Variants in OPA1 observed in about 807,000 individuals in gnomAD.
OPA1 encodes OPA1 mitochondrial dynamin like GTPase.
Under a neutral mutation model 152.9 loss-of-function variants are expected in OPA1, and 59 were observed. The ratio of observed to expected loss-of-function variants is 0.39; its 90% CI spans 0.31 to 0.48. The LOEUF (loss-of-function observed/expected upper bound fraction) is 0.48, where lower values mean the gene tolerates loss of function less well. OPA1 is among the 20% of genes least tolerant of loss of function. OPA1 has a pLI of 0.96. For missense variants in OPA1, 1,008 were observed against 1,216.8 expected (o/e 0.83, Z 2.55); for synonymous variants, 400 against 389.9 (o/e 1.03, Z -0.31).
chr3:193,668,704 G>A (rs935305199), intron 29 of OPA1: 2 of 1,362,100 alleles, frequency 1.5e-6, no homozygotes, highest in South Asian at 2.9e-5. Context: ...CCCAGGTCAG[G>A]CATTAACACC....
intron 7 of OPA1, among the ~76,000 whole-genome samples, chr3:193,628,130 A>G (rs935103686): frequency 1.3e-5 from 2 of 152,132 alleles, no homozygotes; most frequent in Admixed American, 1.3e-4. Flanking sequence ...TGAGATTTTT[A>G]TCATTCCAGG....
At chr3:193,593,491 TGCAGGTGACTCTCAG>T in intron 1 of OPA1, 82 bp downstream of exon 1, 1 of 1,345,546 alleles carries the variant, frequency 7.4e-7, no homozygotes, top group Non-Finnish European at 9.9e-7. Context: ...TCCAAAAATG[TGCAGGTGACTCTCAG>T]GCCAGGCCGA....
chr3:193,666,313 G>A lies in OPA1; in HGVS notation c.2796G>A (p.Val932=), dbSNP rs1716528937. The A allele has an allele frequency of 6.2e-7, 1 of 1,613,788 alleles. No homozygotes were observed. The highest frequency in any genetic ancestry group is 1.7e-5 in the Admixed American group (1 of 60,002). Residue 932 remains valine (V), a synonymous_variant, in exon 28 of 31, where the codon GTG becomes GTA. Coordinates refer to ENST00000361510, the MANE Select transcript of OPA1 (RefSeq NM_130837.3). Reference sequence around the variant, plus strand: ...TATTTCAGTTGGAATGCAATGATGTGGTCTTGTTTTGGCGTATACAGCGCA... The same window carrying A: ...TATTTCAGTTGGAATGCAATGATGTAGTCTTGTTTTGGCGTATACAGCGCA... The part of the protein sequence containing the change: ...FVDSELECND[V]VLFWRIQRML...
intron 1 of OPA1, among the ~76,000 whole-genome samples, chr3:193,596,069 T>G (rs1725435301): frequency 6.6e-6 from 1 of 152,114 alleles, no homozygotes; most frequent in African/African-American, 2.4e-5. Context: ...TTCAGTACTT[T>G]CTTCCTGAAT....
At chr3:193,691,976 A>G (rs1426343864) in intron 29 of OPA1, 87 bp from the exon 30 acceptor site, 8 of 784,830 alleles carry the variant, frequency 1.0e-5, no homozygotes, top group Non-Finnish European at 1.7e-5. Context: ...CAAATAGTTA[A>G]GTATACCAAC....
At chr3:193,610,828 G>A (rs1052921695) in intron 1 of OPA1, among the ~76,000 whole-genome samples, 6 of 152,244 alleles carry the variant, frequency 3.9e-5, no homozygotes, top group Non-Finnish European at 5.9e-5. Context: ...CATAGGACCC[G>A]CTGAGCCAGG....
intron 7 of OPA1, among the ~76,000 whole-genome samples, chr3:193,628,266 A>G (rs1172831926): frequency 3.9e-5 from 6 of 152,086 alleles, no homozygotes; most frequent in African/African-American, 1.4e-4. Flanking sequence ...AGTAGCAACT[A>G]ATAAATTTTC....
chr3:193,676,947 C>A (rs1054856581), intron 29 of OPA1, among the ~76,000 whole-genome samples: 1 of 140,658 alleles, frequency 7.1e-6, no homozygotes, highest in Non-Finnish European at 1.5e-5. Flanking sequence ...CGCCACTGCA[C>A]TCCAGCCTGG....
chr3:193,685,984 T>A (rs985952836), intron 29 of OPA1, among the ~76,000 whole-genome samples: 1 of 152,190 alleles, frequency 6.6e-6, no homozygotes, highest in Admixed American at 6.5e-5. Flanking sequence ...TTCTCTGCTT[T>A]ATAAAAATCA....
rs375610998 is a variant in OPA1 at position 193,682,151 on chromosome 3, A to T, written c.2984-9912A>T. Among the ~76,000 whole-genome samples the T allele has an allele frequency of 2.0e-4, 31 of 152,376 alleles. 1 individual carries two copies. In the East Asian group the frequency reaches 2.5e-3, roughly 12 times the overall value. Reference sequence around the variant, plus strand: ...TAAAGCAGAACAGCCTTATTGCCTGAGACGCAGGAAGTTTCACTGGTCTGG... The same window carrying T: ...TAAAGCAGAACAGCCTTATTGCCTGTGACGCAGGAAGTTTCACTGGTCTGG... On this transcript the variant is annotated intron_variant, in intron 29 of 30. Coordinates refer to ENST00000361510, the MANE Select transcript of OPA1 (RefSeq NM_130837.3).
chr3:193,627,357 T>G (rs1017988879), intron 7 of OPA1: 1 of 152,198 alleles, frequency 6.6e-6, no homozygotes, highest in Non-Finnish European at 1.5e-5. Flanking sequence ...GAAGTGAGTT[T>G]CCTACCTGGT....
chr3:193,616,755 CCTTTGTCAGATTT>C (rs1292695940), intron 3 of OPA1, among the ~76,000 whole-genome samples: 2 of 152,072 alleles, frequency 1.3e-5, no homozygotes, highest in Non-Finnish European at 2.9e-5. Context: ...TTTTTTAAAA[CCTTTGTCAGATTT>C]CTTAGTTTAG....
intron 20 of OPA1, 55 bp from the exon 21 acceptor site, chr3:193,648,740 A>C: frequency 8.3e-7 from 1 of 1,200,272 alleles, no homozygotes; most frequent in Non-Finnish European, 1.2e-6. Flanking sequence ...AAATCATGAC[A>C]GGGTAAATTT....
intron 13 of OPA1, 142 bp from the exon 14 acceptor site, chr3:193,643,231 T>A: frequency 1.2e-6 from 1 of 866,970 alleles, no homozygotes; most frequent in Non-Finnish European, 1.9e-6. Context: ...ACTTTTAGGA[T>A]CAGAGAAAGA....
At position 193,654,936 on chromosome 3, in the gene OPA1, C is replaced by T. The variant is rs1315893899; in HGVS notation, c.2087C>T (p.Ala696Val). 5 of 1,613,852 alleles carry T rather than the reference C, an allele frequency of 3.1e-6. No homozygotes were observed. The highest frequency in any genetic ancestry group is 1.7e-5 in the Admixed American group (1 of 60,014). Residue 696 changes from alanine to valine, a missense_variant, in exon 22 of 31, where the codon GCG (alanine) becomes GTG (valine). Coordinates refer to ENST00000361510, the MANE Select transcript of OPA1 (RefSeq NM_130837.3). The part of the protein sequence containing the change: ...HVIENIYLPA[A>V]QTMNSGTFNT... Reference sequence around the variant, plus strand: ...ATTGAAAACATCTACCTTCCAGCTGCGCAGACCATGAATTCAGGAACTTTT... The same window carrying T: ...ATTGAAAACATCTACCTTCCAGCTGTGCAGACCATGAATTCAGGAACTTTT...
At chr3:193,643,110 TAAATC>T in intron 13 of OPA1, 61 bp downstream of exon 13, 1 of 1,373,312 alleles carries the variant, frequency 7.3e-7, no homozygotes, top group South Asian at 1.2e-5. Context: ...TGATTTCAAA[TAAATC>T]AAAATCTAGG....
chr3:193,670,863 C>CA (rs1489653402), intron 29 of OPA1, among the ~76,000 whole-genome samples: 3 of 151,998 alleles, frequency 2.0e-5, no homozygotes, highest in African/African-American at 7.3e-5. Context: ...TGGTAGATTC[C>CA]ATAGCTGGAG....
chr3:193,624,663 G>A (rs1730745312), intron 6 of OPA1, among the ~76,000 whole-genome samples: 1 of 151,952 alleles, frequency 6.6e-6, no homozygotes, highest in African/African-American at 2.4e-5. Context: ...ATTTTATACT[G>A]TTGTATCTGG....
intron 21 of OPA1, among the ~76,000 whole-genome samples, chr3:193,652,911 G>A (rs75207134): frequency 0.012 from 1,805 of 152,198 alleles, 17 homozygotes; most frequent in Admixed American, 0.029. Context: ...TTGGTAATCA[G>A]GATTTTAAAA....
Sources: gnomAD v4.1 joint callset for allele counts (sites outside exome capture counted in the v4.1 genomes callset) on GRCh38, gnomAD v4.1.1 for gene constraint, MANE v1.5 for transcripts, NCBI Gene and HGNC (gene_info 2026-07-23, HGNC 2026-07-21) for gene names.